Variants in RGS7 observed in about 807,000 individuals in gnomAD.
The protein encoded by RGS7 is regulator of G protein signaling 7, also known as regulator of G-protein signaling 7.
A neutral mutation model predicts 81.1 loss-of-function variants in RGS7; 27 were observed. The observed-to-expected ratio is 0.33, with a 90% CI of 0.25 to 0.46. The LOEUF (loss-of-function observed/expected upper bound fraction) is 0.46. Among genes scored for constraint, RGS7 ranks in the 20% least tolerant of loss-of-function variants. The probability of loss-of-function intolerance (pLI) is 1.00; values close to 1 mark genes in which losing one functional copy is unlikely to be tolerated. For synonymous variants in RGS7, 208 were observed against 207.7 expected, an observed-to-expected ratio of 1.00 and a Z score of -0.01; for missense variants, 396 against 607.4, an observed-to-expected ratio of 0.65 and a Z score of 3.66.
chr1:240,832,517 A>G (rs2147830282), intron 9 of RGS7, among the ~76,000 whole-genome samples: 1 of 152,348 alleles, frequency 6.6e-6, no homozygotes, highest in East Asian at 1.9e-4. Flanking sequence ...CATGAGGTGC[A>G]AAAGAGAAGC....
chr1:240,999,669 T>C (rs6673025), intron 3 of RGS7, among the ~76,000 whole-genome samples: 1,577 of 152,268 alleles, frequency 0.01, 30 homozygotes, highest in African/African-American at 0.036. Flanking sequence ...GGTGTGATCT[T>C]GTCTCAGTGC....
In RGS7 at chr1:240,797,744, C is replaced by T. The variant is rs564241535; in HGVS notation, c.*6+2897G>A. ...TTTCATAATTCTTAAAGCATATGAACCTTTTTGAAAGAGAATAAAGTCAAC... is the reference window on the plus strand; with the variant it reads ...TTTCATAATTCTTAAAGCATATGAATCTTTTTGAAAGAGAATAAAGTCAAC... On this transcript the variant is annotated intron_variant, in intron 18 of 18. Coordinates refer to ENST00000440928, the MANE Select transcript of RGS7 (RefSeq NM_001364886.1). 2.0e-5 allele frequency among the ~76,000 whole-genome samples: 3 copies of T among 152,228 alleles called. No individual in the cohort carries two copies. In the South Asian group the frequency reaches 6.2e-4, roughly 32 times the overall value.
intron 3 of RGS7, among the ~76,000 whole-genome samples, chr1:241,053,259 ATCTGAACAGAGGTTAT>A: frequency 6.6e-6 from 1 of 152,284 alleles, no homozygotes; most frequent in Non-Finnish European, 1.5e-5. Flanking sequence ...TATCTCAAAT[ATCTGAACAGAGGTTAT>A]TCTGAACAGA....
intron 3 of RGS7, among the ~76,000 whole-genome samples, chr1:241,068,351 T>C (rs2062219423): frequency 6.6e-6 from 1 of 150,594 alleles, no homozygotes; most frequent in African/African-American, 2.4e-5. Flanking sequence ...GAAATCTGGA[T>C]CTTGTGAATT....
At chr1:240,968,798 CT>C (rs1203088235) in intron 4 of RGS7, among the ~76,000 whole-genome samples, 1 of 152,102 alleles carries the variant, frequency 6.6e-6, no homozygotes, top group Non-Finnish European at 1.5e-5. Flanking sequence ...CCTTATCACA[CT>C]TTTTGTACTG....
intron 2 of RGS7, among the ~76,000 whole-genome samples, chr1:241,204,064 A>G (rs1426804408): frequency 6.6e-6 from 1 of 152,250 alleles, no homozygotes; most frequent in Non-Finnish European, 1.5e-5. Context: ...AGTAAATACT[A>G]TAGGAGTTGC....
chr1:241,128,606 A>G (rs2066858523), intron 2 of RGS7, among the ~76,000 whole-genome samples: 1 of 152,098 alleles, frequency 6.6e-6, no homozygotes, highest in Non-Finnish European at 1.5e-5. Flanking sequence ...ATAAATTTAA[A>G]AAGTTCAGAA....
intron 2 of RGS7, among the ~76,000 whole-genome samples, chr1:241,308,575 GC>G (rs2080312423): frequency 1.3e-5 from 2 of 152,176 alleles, no homozygotes; most frequent in South Asian, 4.1e-4. Context: ...ACTTCAGCAG[GC>G]TTGGGCTAGA....
At chr1:241,288,530 G>A (rs967886880) in intron 2 of RGS7, among the ~76,000 whole-genome samples, 4 of 152,084 alleles carry the variant, frequency 2.6e-5, no homozygotes, top group African/African-American at 9.7e-5. Flanking sequence ...CTGAAGTACG[G>A]GGCGCTGTTA....
chr1:241,164,125 A>G lies in RGS7; in HGVS notation c.79-65363T>C, dbSNP rs2069969956. Among the ~76,000 whole-genome samples, 2 of 152,132 alleles carry G rather than the reference A, an allele frequency of 1.3e-5. No homozygotes were observed. Among genetic ancestry groups the G allele is most frequent in the South Asian group, 4.1e-4 (2 of 4,826 alleles). ...ACTTATGCTTACTGGTTTATTATAA[A>G]GGATATTACAAAGGATACAGGTGAA... On this transcript the variant is annotated intron_variant, in intron 2 of 18. Transcript: ENST00000440928. The surrounding 1 kb of genome is among the most constrained non-coding windows in gnomAD (Gnocchi z 4.1).
At position 240,778,783 on chromosome 1, in the gene RGS7, T is replaced by G. The variant is rs183881498; in HGVS notation, c.*7-2570A>C. On this transcript the variant is annotated intron_variant, in intron 18 of 18. Coordinates refer to ENST00000440928, the MANE Select transcript of RGS7 (RefSeq NM_001364886.1). ...TCTTGACCTTGTGATCCACCCGCCT[T>G]GGCCTCCCAAAGTGCTGGGATTACA... 3.1e-3 allele frequency among the ~76,000 whole-genome samples: 467 copies of G among 152,264 alleles called. 2 individuals carry two copies. The highest frequency in any genetic ancestry group is 4.8e-3 in the Non-Finnish European group (329 of 68,006).
chr1:240,870,827 A>T (rs1330764441), intron 6 of RGS7, among the ~76,000 whole-genome samples: 3 of 152,218 alleles, frequency 2.0e-5, no homozygotes, highest in Non-Finnish European at 4.4e-5. Flanking sequence ...TCTACTGTCA[A>T]CTGAAACAAT....
intron 2 of RGS7, among the ~76,000 whole-genome samples, chr1:241,160,425 T>C (rs1250053021): frequency 7.3e-6 from 1 of 136,870 alleles, no homozygotes; most frequent in Non-Finnish European, 1.6e-5. Context: ...GTGTGTGGAA[T>C]AAGGTGAAAC....
chr1:241,235,583 CTCTT>C (rs1222765373), intron 2 of RGS7, among the ~76,000 whole-genome samples: 4 of 147,794 alleles, frequency 2.7e-5, no homozygotes, highest in Non-Finnish European at 1.5e-5. Context: ...TCTTTTCTTT[CTCTT>C]TCTTTCTTCC....
chr1:240,835,888 G>A (rs1414588971), intron 9 of RGS7, among the ~76,000 whole-genome samples: 2 of 152,270 alleles, frequency 1.3e-5, no homozygotes, highest in African/African-American at 2.4e-5. Context: ...AAGGCGAAAC[G>A]ATGGAGACAA....
intron 2 of RGS7, among the ~76,000 whole-genome samples, chr1:241,341,244 T>C (rs538262354): frequency 6.6e-6 from 1 of 152,318 alleles, no homozygotes; most frequent in East Asian, 1.9e-4. Flanking sequence ...AGAGAGAAAC[T>C]GACTTGTCCA....
chr1:240,863,241 AG>A (rs1388617163), intron 9 of RGS7, among the ~76,000 whole-genome samples: 2 of 152,122 alleles, frequency 1.3e-5, no homozygotes, highest in Admixed American at 6.5e-5. Context: ...TGGGAGGCTG[AG>A]GCGGGAGGAT....
intron 10 of RGS7, among the ~76,000 whole-genome samples, chr1:240,819,505 C>T (rs924820600): frequency 2.6e-5 from 4 of 152,204 alleles, no homozygotes; most frequent in Non-Finnish European, 5.9e-5. Flanking sequence ...CTTTGGGAGG[C>T]TGAGGCAGGC....
intron 18 of RGS7, among the ~76,000 whole-genome samples, chr1:240,778,149 T>C (rs1314137265): frequency 6.7e-6 from 1 of 149,898 alleles, no homozygotes; most frequent in African/African-American, 2.5e-5. Flanking sequence ...ACCATCACCT[T>C]CATGATCTAA....
Sources: allele counts gnomAD v4.1 joint callset (sites outside exome capture counted in the v4.1 genomes callset), GRCh38; gene constraint gnomAD v4.1.1; non-coding constraint Gnocchi (gnomAD v3.1); transcripts MANE v1.5; gene names NCBI Gene and HGNC (gene_info 2026-07-23, HGNC 2026-07-21).